The following CSMD3 variants were observed in gnomAD, a reference collection of about 807,000 sequenced individuals.
CSMD3 encodes CUB and Sushi multiple domains 3.
CSMD3 carries 177 observed loss-of-function variants against 435.2 expected under a neutral mutation model. That is an observed-to-expected ratio of 0.41 (90% CI 0.36 to 0.46). The LOEUF is 0.46. Ranked by LOEUF, CSMD3 falls within the 20% of genes least tolerant of loss-of-function variation. The pLI, the probability that CSMD3 is intolerant of heterozygous loss-of-function variation, is 0.34. For synonymous variants in CSMD3, 1,656 were observed against 1,520.5 expected, an observed-to-expected ratio of 1.09 and a Z score of -2.07; for missense variants, 4,265 against 4,504.6, an observed-to-expected ratio of 0.95 and a Z score of 1.52.
chr8:113,418,861 T>C (rs967455705), intron 1 of CSMD3, among the ~76,000 whole-genome samples: 9 of 152,170 alleles, frequency 5.9e-5, no homozygotes, highest in African/African-American at 9.7e-5. Context: ...TAATTTTAAA[T>C]AGAACTTTTC....
chr8:113,337,851 C>G (rs1240360934), intron 1 of CSMD3, among the ~76,000 whole-genome samples: 1 of 136,424 alleles, frequency 7.3e-6, no homozygotes, highest in Non-Finnish European at 1.6e-5. Flanking sequence ...AGTGTTTTTA[C>G]CACAAAAAAA....
intron 27 of CSMD3, among the ~76,000 whole-genome samples, chr8:112,526,107 G>A (rs979295733): frequency 2.0e-5 from 3 of 150,780 alleles, no homozygotes; most frequent in Non-Finnish European, 3.0e-5. Flanking sequence ...TTCAGTTATT[G>A]TTTTCAATAA....
intron 4 of CSMD3, among the ~76,000 whole-genome samples, chr8:113,141,824 G>A (rs970423026): frequency 4.6e-5 from 7 of 150,828 alleles, no homozygotes; most frequent in East Asian, 1.9e-4. Flanking sequence ...ACAGTAATAC[G>A]ATAAACACAA....
chr8:112,837,462 A>T (rs767274370), intron 11 of CSMD3, among the ~76,000 whole-genome samples: 7 of 151,812 alleles, frequency 4.6e-5, no homozygotes, highest in Non-Finnish European at 8.8e-5. Context: ...CTCTAAAAAA[A>T]AGTTATATTA....
intron 3 of CSMD3, among the ~76,000 whole-genome samples, chr8:113,274,876 G>A (rs2093557436): frequency 7.0e-6 from 1 of 143,302 alleles, no homozygotes; most frequent in South Asian, 2.2e-4. Context: ...AGGAAGCAGG[G>A]AGGGAGGGAG....
At chr8:112,863,659 G>A (rs1474365188) in intron 10 of CSMD3, among the ~76,000 whole-genome samples, 1 of 151,920 alleles carries the variant, frequency 6.6e-6, no homozygotes, top group Non-Finnish European at 1.5e-5. Context: ...ATTTGTCAAA[G>A]TAAAGGAGAT....
intron 3 of CSMD3, among the ~76,000 whole-genome samples, chr8:113,200,795 T>A (rs971336825): frequency 2.0e-5 from 3 of 151,674 alleles, no homozygotes; most frequent in Non-Finnish European, 4.4e-5. Flanking sequence ...CAGTTTTTAA[T>A]AGCGTTTATG....
intron 32 of CSMD3, among the ~76,000 whole-genome samples, chr8:112,412,181 T>G (rs1267767871): frequency 6.6e-6 from 1 of 152,122 alleles, no homozygotes; most frequent in Non-Finnish European, 1.5e-5. Flanking sequence ...ATAAAATTTT[T>G]GATTTAAATA....
intron 7 of CSMD3, among the ~76,000 whole-genome samples, chr8:112,959,417 G>C (rs546620486): frequency 6.6e-6 from 1 of 151,788 alleles, no homozygotes; most frequent in East Asian, 1.9e-4. Context: ...AAGTATCTTG[G>C]AAGTGTCAGT....
At chr8:112,888,455 T>C (rs773843336) in intron 10 of CSMD3, among the ~76,000 whole-genome samples, 5 of 151,566 alleles carry the variant, frequency 3.3e-5, no homozygotes, top group Non-Finnish European at 5.9e-5. Flanking sequence ...GTGTGAAGGA[T>C]TTTGCTGGTA....
intron 11 of CSMD3, among the ~76,000 whole-genome samples, chr8:112,853,126 T>C (rs945258462): frequency 1.3e-5 from 2 of 152,208 alleles, no homozygotes; most frequent in African/African-American, 4.8e-5. Flanking sequence ...CATAAAAATG[T>C]AACATTAGAA....
At chr8:112,417,263 T>A (rs1333803734) in intron 32 of CSMD3, among the ~76,000 whole-genome samples, 1 of 152,190 alleles carries the variant, frequency 6.6e-6, no homozygotes, top group Non-Finnish European at 1.5e-5. Context: ...ATTTCTGGAA[T>A]CAGACTCTCA....
intron 7 of CSMD3, among the ~76,000 whole-genome samples, chr8:112,964,833 A>C (rs537885297): frequency 3.3e-5 from 5 of 152,134 alleles, no homozygotes; most frequent in Middle Eastern, 3.4e-3. Context: ...GCAATAGTCC[A>C]TGCTTTAGAA....
At chr8:112,267,467 C>G (rs1817058624) in intron 59 of CSMD3, among the ~76,000 whole-genome samples, 1 of 151,898 alleles carries the variant, frequency 6.6e-6, no homozygotes, top group African/African-American at 2.4e-5. Context: ...TACGTCATCT[C>G]TTTTTATAGT....
chr8:112,991,180 T>G (rs183818154), intron 6 of CSMD3, among the ~76,000 whole-genome samples: 302 of 151,614 alleles, frequency 2.0e-3, no homozygotes, highest in African/African-American at 7.0e-3. Context: ...CTGAATTAAA[T>G]ATATATATAT....
At position 112,804,787 on chromosome 8, in the gene CSMD3, C is replaced by T. The variant is rs568370614; in HGVS notation, c.1860-4513G>A. On this transcript the variant is annotated intron_variant, in intron 12 of 70. Transcript: ENST00000297405. The stretch of plus-strand genomic sequence containing the variant: ...TCAAGCAATTATCCTGCCTCAGCCT[C>T]CTAAGCAGCTGGGACTACAGGTGTG... Among the ~76,000 whole-genome samples the T allele has an allele frequency of 6.6e-5, 10 of 152,126 alleles. No homozygotes were observed. In the East Asian group the frequency reaches 1.9e-3, roughly 30 times the overall value.
chr8:113,292,674 A>G (rs898705113), intron 2 of CSMD3, among the ~76,000 whole-genome samples: 24 of 151,870 alleles, frequency 1.6e-4, no homozygotes, highest in Non-Finnish European at 2.9e-5. Context: ...AACATATGAG[A>G]TGGCATGCTG....
At chr8:112,905,331 C>A (rs1300925423) in intron 10 of CSMD3, among the ~76,000 whole-genome samples, 1 of 150,590 alleles carries the variant, frequency 6.6e-6, no homozygotes, top group African/African-American at 2.4e-5. Context: ...TACACACACA[C>A]ACACACACAT....
At position 112,567,862 on chromosome 8, in the gene CSMD3, CAGA is replaced by C. The variant is rs139344344; in HGVS notation, c.4042+5636_4042+5638del. On this transcript the variant is annotated intron_variant, in intron 24 of 70. Transcript: ENST00000297405. ...TCTTACCCTACTCCCTGTTCTCTCT[CAGA>C]AGAACAGGTATGCCTTTATTGGTTC... Among the ~76,000 whole-genome samples, 358 of 152,246 alleles carry C rather than the reference CAGA, an allele frequency of 2.4e-3. 2 individuals carry two copies. Among genetic ancestry groups the C allele is most frequent in the African/African-American group, 8.3e-3 (346 of 41,552 alleles).
Sources: allele counts gnomAD v4.1 joint callset (sites outside exome capture counted in the v4.1 genomes callset), GRCh38; gene constraint gnomAD v4.1.1; transcripts MANE v1.5; gene names NCBI Gene and HGNC (gene_info 2026-07-23, HGNC 2026-07-21).